The following PCDHGA4 variants were observed in gnomAD, a reference collection of about 807,000 sequenced individuals.
The protein encoded by PCDHGA4 is protocadherin gamma subfamily A, 4.
PCDHGA4 carries 38 observed loss-of-function variants against 54.6 expected under a neutral mutation model. The ratio of observed to expected loss-of-function variants is 0.70; its 90% CI spans 0.54 to 0.91. The LOEUF is 0.91. Ranked by LOEUF, PCDHGA4 falls within the 40% of genes least tolerant of loss-of-function variation. The pLI is 0.00. For synonymous variants in PCDHGA4, 511 were observed against 512.9 expected (o/e 1.00, Z 0.05); for missense variants, 1,298 against 1,220.9 (o/e 1.06, Z -0.94).
chr5:141,418,348 T>G (rs2096249125), intron 1 of PCDHGA4: 1 of 1,613,982 alleles, frequency 6.2e-7, no homozygotes, highest in African/African-American at 1.3e-5. Flanking sequence ...CTGATATTAG[T>G]ATGAATTCGC....
chr5:141,427,391 A>G (rs942653386), intron 1 of PCDHGA4: 3 of 459,818 alleles, frequency 6.5e-6, no homozygotes, highest in Non-Finnish European at 1.3e-5. Context: ...TGTTCAAAAC[A>G]CATGATAAAG....
At chr5:141,402,272 G>A (rs934353221) in intron 1 of PCDHGA4, among the ~76,000 whole-genome samples, 7 of 151,874 alleles carry the variant, frequency 4.6e-5, no homozygotes, top group African/African-American at 1.2e-4. Context: ...TAATTTCAAA[G>A]TGGATAATCT....
At chr5:141,418,066 C>T (rs777602456) in intron 1 of PCDHGA4, 1 of 1,613,980 alleles carries the variant, frequency 6.2e-7, no homozygotes, top group Non-Finnish European at 8.5e-7. Flanking sequence ...TGCGAGTGAG[C>T]GCGGAGAAGC....
rs192747939 is a variant in PCDHGA4 at position 141,487,483 on chromosome 5, T to A, written c.2515-7324T>A. ...TTGTTGATGTGGGAGGCCACTCTCA[T>A]GGCTGTACACCCTTGGCTTCTGCAC... On this transcript the variant is annotated intron_variant, in intron 1 of 3. Transcript: ENST00000571252. This position sits in a 1 kb window ranked among gnomAD's most constrained non-coding sequence, Gnocchi z 5.0. 1 of 1,614,224 alleles carries A rather than the reference T, an allele frequency of 6.2e-7. No individual in the cohort carries two copies. The highest frequency in any genetic ancestry group is 1.1e-5 in the South Asian group (1 of 91,084).
intron 1 of PCDHGA4, among the ~76,000 whole-genome samples, chr5:141,453,061 T>G (rs1351911724): frequency 6.6e-6 from 1 of 152,102 alleles, no homozygotes; most frequent in Non-Finnish European, 1.5e-5. Context: ...AGTTTTAGAG[T>G]TTTGCCACAC....
chr5:141,410,329 G>A, intron 1 of PCDHGA4: 4 of 1,613,982 alleles, frequency 2.5e-6, no homozygotes, highest in Non-Finnish European at 3.4e-6. Flanking sequence ...CCGTGATTCT[G>A]GCCATTGCCT....
chr5:141,378,980 G>T (rs1336652080), intron 1 of PCDHGA4: 1 of 152,182 alleles, frequency 6.6e-6, no homozygotes, highest in Non-Finnish European at 1.5e-5. Context: ...ATGACTTGTT[G>T]AACTACATTA....
At chr5:141,400,467 ATCTGGGGCCTTATT>A in intron 1 of PCDHGA4, 1 of 1,614,042 alleles carries the variant, frequency 6.2e-7, no homozygotes, top group Non-Finnish European at 8.5e-7. Flanking sequence ...GTGGTGATTC[ATCTGGGGCCTTATT>A]TCCACTTTGT....
chr5:141,467,055 CTTTT>C (rs1193465269), intron 1 of PCDHGA4, among the ~76,000 whole-genome samples: 5 of 134,484 alleles, frequency 3.7e-5, no homozygotes, highest in Non-Finnish European at 4.9e-5. Context: ...TCAATGTTTT[CTTTT>C]TTTTTTTTTT....
At chr5:141,372,599 T>C (rs1768901288) in intron 1 of PCDHGA4, 1 of 1,613,920 alleles carries the variant, frequency 6.2e-7, no homozygotes, top group Non-Finnish European at 8.5e-7. Context: ...GCTTCAAGAC[T>C]GTACCTGGAG....
At position 141,477,843 on chromosome 5, in the gene PCDHGA4, C is replaced by T; in HGVS notation, c.2515-16964C>T. The T allele has an allele frequency of 6.2e-7, 1 of 1,613,408 alleles. No homozygotes were observed. Among genetic ancestry groups the T allele is most frequent in the Non-Finnish European group, 8.5e-7 (1 of 1,179,796 alleles). On this transcript the variant is annotated intron_variant, in intron 1 of 3. Coordinates refer to ENST00000571252, the MANE Select transcript of PCDHGA4 (RefSeq NM_018917.4). The surrounding 1 kb of genome is among the most constrained non-coding windows in gnomAD (Gnocchi z 4.9). Reference sequence around the variant, plus strand: ...CTATATCCTCGGCCAGGTGGGAGCTCGGTGGAGATGCTGCCTCGAGGTACC... The same window carrying T: ...CTATATCCTCGGCCAGGTGGGAGCTTGGTGGAGATGCTGCCTCGAGGTACC...
intron 1 of PCDHGA4, chr5:141,378,088 T>A (rs1218204650): frequency 6.6e-6 from 1 of 152,252 alleles, no homozygotes; most frequent in African/African-American, 2.4e-5. Context: ...TTATAACTTT[T>A]TTTCAAACTC....
At chr5:141,428,004 G>A in intron 1 of PCDHGA4, 1 of 1,601,732 alleles carries the variant, frequency 6.2e-7, no homozygotes, top group Non-Finnish European at 8.5e-7. Flanking sequence ...CGCACTCTTC[G>A]ATATAGTGCC....
intron 1 of PCDHGA4, among the ~76,000 whole-genome samples, chr5:141,406,795 C>G (rs1277584347): frequency 6.6e-6 from 1 of 152,204 alleles, no homozygotes; most frequent in African/African-American, 2.4e-5. Context: ...TTATTTCTGG[C>G]TCAATTCTCC....
chr5:141,361,451 C>T (rs1762026624), intron 1 of PCDHGA4: 1 of 1,614,034 alleles, frequency 6.2e-7, no homozygotes, highest in Non-Finnish European at 8.5e-7. Flanking sequence ...ATAATTGTCA[C>T]CCTGCACATC....
intron 1 of PCDHGA4, among the ~76,000 whole-genome samples, chr5:141,488,553 T>C (rs2099676887): frequency 6.6e-6 from 1 of 152,166 alleles, no homozygotes; most frequent in South Asian, 2.1e-4. Flanking sequence ...TCAGCTGACA[T>C]TGAGATTTCC....
intron 2 of PCDHGA4, among the ~76,000 whole-genome samples, chr5:141,502,576 T>C (rs1226513508): frequency 6.6e-6 from 1 of 152,168 alleles, no homozygotes; most frequent in African/African-American, 2.4e-5. Flanking sequence ...ATTATAAAAA[T>C]ATATTTTTAT....
chr5:141,376,190 G>A (rs759357506), intron 1 of PCDHGA4: 9 of 1,614,116 alleles, frequency 5.6e-6, no homozygotes, highest in Admixed American at 1.7e-5. Flanking sequence ...GGTCTCCTGC[G>A]TCTTCCTGGC....
chr5:141,403,161 G>A (rs1435695987), intron 1 of PCDHGA4: 12 of 1,614,026 alleles, frequency 7.4e-6, no homozygotes, highest in Non-Finnish European at 1.0e-5. Context: ...GTCTCTAGAG[G>A]TAGGACGCAG....
Sources: allele counts gnomAD v4.1 joint callset (sites outside exome capture counted in the v4.1 genomes callset), GRCh38; gene constraint gnomAD v4.1.1; non-coding constraint Gnocchi (gnomAD v3.1); transcripts MANE v1.5; gene names NCBI Gene and HGNC (gene_info 2026-07-23, HGNC 2026-07-21).